Variants in CMIP observed in about 807,000 individuals in gnomAD.
CMIP encodes C-Maf-inducing protein.
A neutral mutation model predicts 97.3 loss-of-function variants in CMIP; 13 were observed. The observed-to-expected ratio is 0.13, with a 90% CI of 0.09 to 0.21. CMIP has a LOEUF of 0.21. Among genes scored for constraint, CMIP ranks in the 10% least tolerant of loss-of-function variants. The pLI, the probability that CMIP is intolerant of heterozygous loss-of-function variation, is 1.00. For missense variants in CMIP, 847 were observed against 1,024.9 expected (o/e 0.83, Z 2.37); for synonymous variants, 538 against 436.3 (o/e 1.23, Z -2.91).
chr16:81,504,641 C>CAAAAA lies in CMIP; in HGVS notation c.300+59121_300+59125dup, dbSNP rs149715666. On this transcript the variant is annotated intron_variant, in intron 1 of 20. Transcript: ENST00000537098. ...CTCGGCGACAGAGTGAGACTCGTCT[C>CAAAAA]AAAAAAAAAAAAAAAAAAAAAAAAA... 2.4e-3 allele frequency among the ~76,000 whole-genome samples: 170 copies of CAAAAA among 71,242 alleles called. 1 individual carries two copies. The highest frequency in any genetic ancestry group is 0.019 in the Middle Eastern group (2 of 104). The allele number at this position is 71,242 out of a possible 152,430, so 46.7% of individuals were successfully genotyped here.
intron 1 of CMIP, among the ~76,000 whole-genome samples, chr16:81,541,160 C>G (rs1433589164): frequency 1.3e-5 from 2 of 152,080 alleles, no homozygotes; most frequent in Non-Finnish European, 1.5e-5. Flanking sequence ...TCCCCTTCCT[C>G]CACCCCCGAC....
At chr16:81,509,373 C>T (rs2089768915) in intron 1 of CMIP, among the ~76,000 whole-genome samples, 1 of 152,244 alleles carries the variant, frequency 6.6e-6, no homozygotes, top group Non-Finnish European at 1.5e-5. Context: ...GGGCTTGCTT[C>T]CTGTCACCTA....
intron 1 of CMIP, among the ~76,000 whole-genome samples, chr16:81,457,923 C>T (rs1906661726): frequency 6.6e-6 from 1 of 152,240 alleles, no homozygotes; most frequent in African/African-American, 2.4e-5. Flanking sequence ...AAGCTCCCCC[C>T]TACCTTTGAT....
chr16:81,563,709 T>G (rs1253151065), intron 1 of CMIP, among the ~76,000 whole-genome samples: 1 of 152,206 alleles, frequency 6.6e-6, no homozygotes. Flanking sequence ...TGTGCAATCT[T>G]GGGCCGTCTC....
intron 1 of CMIP, among the ~76,000 whole-genome samples, chr16:81,482,582 G>A (rs139321857): frequency 4.1e-4 from 62 of 152,298 alleles, no homozygotes; most frequent in African/African-American, 1.5e-3. Context: ...GTGGACATGC[G>A]TGTCCCAGGA....
In CMIP at chr16:81,533,368, A is replaced by G. The variant is rs528474543; in HGVS notation, c.301-74199A>G. Among the ~76,000 whole-genome samples, 3 of 152,348 alleles carry G rather than the reference A, an allele frequency of 2.0e-5. No homozygotes were observed. The South Asian group carries it at 6.2e-4, about 32-fold the overall frequency. ...AAACTTTGCAGCACTCACTTTGTCCATTGGAATAAAGTTTGCCTGTTAAGT... is the reference window on the plus strand; with the variant it reads ...AAACTTTGCAGCACTCACTTTGTCCGTTGGAATAAAGTTTGCCTGTTAAGT... On this transcript the variant is annotated intron_variant, in intron 1 of 20. Transcript: ENST00000537098.
At chr16:81,454,612 A>G (rs1906433715) in intron 1 of CMIP, among the ~76,000 whole-genome samples, 1 of 152,188 alleles carries the variant, frequency 6.6e-6, no homozygotes, top group South Asian at 2.1e-4. Context: ...ATTTGTGCAA[A>G]TTGAGTGTTC....
chr16:81,499,046 A>G (rs1433662984), intron 1 of CMIP, among the ~76,000 whole-genome samples: 2 of 152,202 alleles, frequency 1.3e-5, no homozygotes, highest in African/African-American at 4.8e-5. Context: ...TATTAGCGCC[A>G]TTTTACAAAT....
chr16:81,608,024 G>C (rs1376768986), intron 2 of CMIP, among the ~76,000 whole-genome samples: 1 of 152,174 alleles, frequency 6.6e-6, no homozygotes, highest in Non-Finnish European at 1.5e-5. Context: ...TGAGTTGTTA[G>C]GCCCAAGAAG....
At chr16:81,656,083 A>C (rs567799186) in intron 4 of CMIP, among the ~76,000 whole-genome samples, 1 of 152,304 alleles carries the variant, frequency 6.6e-6, no homozygotes, top group South Asian at 2.1e-4. Flanking sequence ...CAGATCCAAA[A>C]AACATCCTTT....
At chr16:81,671,740 C>T (rs2092685013) in intron 8 of CMIP, among the ~76,000 whole-genome samples, 1 of 152,214 alleles carries the variant, frequency 6.6e-6, no homozygotes, top group Non-Finnish European at 1.5e-5. Flanking sequence ...ACCCTGGATC[C>T]GGAGTCCACA....
At chr16:81,478,315 G>A (rs567857545) in intron 1 of CMIP, among the ~76,000 whole-genome samples, 6 of 152,334 alleles carry the variant, frequency 3.9e-5, no homozygotes, top group East Asian at 1.9e-4. Context: ...TCAGCAAGCC[G>A]TAGAGTAGAA....
intron 9 of CMIP, among the ~76,000 whole-genome samples, chr16:81,672,750 A>C (rs1249268747): frequency 1.3e-5 from 2 of 151,880 alleles, no homozygotes; most frequent in Non-Finnish European, 2.9e-5. Context: ...TAATATTTAA[A>C]ATTTTTTTGT....
intron 13 of CMIP, 130 bp from the exon 14 acceptor site, chr16:81,696,429 GA>G (rs2151088191): frequency 1.1e-6 from 1 of 877,466 alleles, no homozygotes; most frequent in Non-Finnish European, 1.8e-6. Flanking sequence ...GTTGCTGGAG[GA>G]AACAAAGTTA....
In CMIP at chr16:81,495,434, G is replaced by A. The variant is rs374015738; in HGVS notation, c.300+49893G>A. On this transcript the variant is annotated intron_variant, in intron 1 of 20. Coordinates refer to ENST00000537098, the MANE Select transcript of CMIP (RefSeq NM_198390.3). ...GCCGGGCTGCCGCTCTGTTTCCTGCGAGGAGGGAAGTTACAGATCTCCGCC... is the reference window on the plus strand; with the variant it reads ...GCCGGGCTGCCGCTCTGTTTCCTGCAAGGAGGGAAGTTACAGATCTCCGCC... 2.2e-4 allele frequency: 350 copies of A among 1,608,292 alleles called. 3 individuals carry two copies. In the African/African-American group the frequency reaches 4.0e-3, roughly 18 times the overall value.
chr16:81,594,780 A>ATT (rs570057427), intron 1 of CMIP, among the ~76,000 whole-genome samples: 151 of 115,036 alleles, frequency 1.3e-3, no homozygotes, highest in African/African-American at 2.8e-3. Context: ...CGCCCAGCTA[A>ATT]TTTTTTTTTT....
At chr16:81,457,570 G>A (rs553769120) in intron 1 of CMIP, among the ~76,000 whole-genome samples, 1 of 152,228 alleles carries the variant, frequency 6.6e-6, no homozygotes, top group African/African-American at 2.4e-5. Context: ...GTAACAACCC[G>A]TGATACGTAA....
chr16:81,535,790 C>T (rs2090331676), intron 1 of CMIP, among the ~76,000 whole-genome samples: 2 of 152,122 alleles, frequency 1.3e-5, no homozygotes, highest in African/African-American at 4.8e-5. Context: ...TTACCGAGGT[C>T]ACCCCAGACT....
At chr16:81,562,661 G>A (rs2090905761) in intron 1 of CMIP, among the ~76,000 whole-genome samples, 3 of 152,250 alleles carry the variant, frequency 2.0e-5, no homozygotes, top group Admixed American at 2.0e-4. Flanking sequence ...CATTTCTCCT[G>A]GGGACCTTCT....
Sources: allele counts gnomAD v4.1 joint callset (sites outside exome capture counted in the v4.1 genomes callset), GRCh38; gene constraint gnomAD v4.1.1; transcripts MANE v1.5; gene names NCBI Gene and HGNC (gene_info 2026-07-23, HGNC 2026-07-21).